The following CACNA1C variants were observed in gnomAD, a reference collection of about 807,000 sequenced individuals.
CACNA1C encodes calcium voltage-gated channel subunit alpha1 C.
CACNA1C carries 30 observed loss-of-function variants against 229.0 expected under a neutral mutation model. The observed-to-expected ratio is 0.13, with a 90% CI of 0.10 to 0.18. The LOEUF (loss-of-function observed/expected upper bound fraction) is 0.18. Ranked by LOEUF, CACNA1C falls within the 10% of genes least tolerant of loss-of-function variation. The pLI, the probability that CACNA1C is intolerant of heterozygous loss-of-function variation, is 1.00. For synonymous variants in CACNA1C, 1,114 were observed against 1,132.5 expected (o/e 0.98, Z 0.33); for missense variants, 1,658 against 2,845.0 (o/e 0.58, Z 9.49).
chr12:2,446,859 G>T, intron 3 of CACNA1C, among the ~76,000 whole-genome samples: 1 of 151,072 alleles, frequency 6.6e-6, no homozygotes, highest in East Asian at 2.0e-4. Flanking sequence ...TGGATGAATT[G>T]GTGGGTGGGT....
At position 2,651,907 on chromosome 12, in the gene CACNA1C, G is replaced by C. The variant is rs1228647900; in HGVS notation, c.4074+139G>C. On this transcript the variant is annotated intron_variant, in intron 32 of 46. Transcript: ENST00000399655. The surrounding 1 kb of genome is among the most constrained non-coding windows in gnomAD (Gnocchi z 5.4). ...GTGGCAGAACTCGGCCGCTCTGCCT[G>C]GCTCCCTGTTTCCGCACCGAGAGGC... is the stretch of plus-strand genomic sequence containing the variant. The C allele has an allele frequency of 4.4e-6, 3 of 686,116 alleles. No homozygotes were observed. The highest frequency in any genetic ancestry group is 7.1e-6 in the Non-Finnish European group (3 of 423,486). 42.5% of individuals were successfully genotyped at this position (686,116 alleles called of 1,614,324 possible). A position where few individuals can be genotyped will look rare whatever the true frequency, so the allele number is the denominator to read the frequency against.
At chr12:2,629,534 C>T (rs2089306186) in intron 29 of CACNA1C, among the ~76,000 whole-genome samples, 1 of 152,214 alleles carries the variant, frequency 6.6e-6, no homozygotes, top group South Asian at 2.1e-4. Context: ...CTTTCACCCT[C>T]ACCTCAACTC....
At chr12:2,058,545 T>C (rs893505045) in intron 1 of CACNA1C, among the ~76,000 whole-genome samples, 19 of 152,064 alleles carry the variant, frequency 1.2e-4, no homozygotes, top group Admixed American at 2.0e-4. Flanking sequence ...AAAAAAGGCA[T>C]GGGGAATTGT....
At chr12:2,623,598 A>G (rs750991191) in intron 29 of CACNA1C, among the ~76,000 whole-genome samples, 19 of 151,924 alleles carry the variant, frequency 1.3e-4, no homozygotes, top group Non-Finnish European at 2.6e-4. Context: ...CTTGATGGAA[A>G]TGTCTCATCC....
chr12:2,036,472 C>G (rs2049158517), intron 1 of CACNA1C, among the ~76,000 whole-genome samples: 1 of 152,148 alleles, frequency 6.6e-6, no homozygotes, highest in Admixed American at 6.5e-5. Flanking sequence ...CCTCCCTCCC[C>G]TTTCCTATCT....
In CACNA1C at chr12:2,691,088, C is replaced by A. The variant is rs756277154; in HGVS notation, c.6306C>A (p.Asp2102Glu). 4.3e-6 allele frequency: 7 copies of A among 1,612,424 alleles called. No homozygotes were observed. The highest frequency in any genetic ancestry group is 1.1e-5 in the South Asian group (1 of 90,724). ...GALLPFVNCRDAGQDRAGGEE... is the reference protein window; with the variant it reads ...GALLPFVNCREAGQDRAGGEE... ...TCTTACCCTTTGTGAACTGCAGGGA[C>A]GCGGGGCAGGACCGAGCCGGGGGCG... Residue 2102 changes from aspartate to glutamate, a missense_variant, in exon 47 of 47, where the codon GAC becomes GAA. By Grantham distance (45) the Asp-to-Glu change is conservative (BLOSUM62 2). Around this residue, in one of 20 missense-constraint regions of CACNA1C, gnomAD observed 590 missense variants for 700.8 expected, o/e 0.84. Coordinates refer to ENST00000399655, the MANE Select transcript of CACNA1C (RefSeq NM_000719.7).
At chr12:2,011,543 A>C (rs751125565) in intron 1 of CACNA1C, among the ~76,000 whole-genome samples, 2 of 152,260 alleles carry the variant, frequency 1.3e-5, no homozygotes, top group African/African-American at 2.4e-5. Context: ...AGATTGAATT[A>C]GAAGAGTGCT....
At position 2,649,949 on chromosome 12, in the gene CACNA1C, AAGGTCATC is replaced by A. The variant is rs760659770; in HGVS notation, c.3945+1444_3945+1451del. Reference sequence around the variant, plus strand: ...CACAGGTGATAGAAATACAGAGATTAAGGTCATCAAAGGCTTCAGAACACACAGGCAGG... The same window carrying A: ...CACAGGTGATAGAAATACAGAGATTAAAAGGCTTCAGAACACACAGGCAGG... On this transcript the variant is annotated intron_variant, in intron 31 of 46. Coordinates refer to ENST00000399655, the MANE Select transcript of CACNA1C (RefSeq NM_000719.7). The surrounding 1 kb of genome is among the most constrained non-coding windows in gnomAD (Gnocchi z 4.4). Among the ~76,000 whole-genome samples, 5 of 151,588 alleles carry A rather than the reference AAGGTCATC, an allele frequency of 3.3e-5. No individual in the cohort carries two copies. Among genetic ancestry groups the A allele is most frequent in the Non-Finnish European group, 2.9e-5 (2 of 68,020 alleles).
chr12:1,990,143 G>A (rs146131480), intron 1 of CACNA1C, among the ~76,000 whole-genome samples: 10 of 152,244 alleles, frequency 6.6e-5, no homozygotes, highest in Admixed American at 6.5e-5. Context: ...GGACCACAGC[G>A]TATCACTTAA....
At chr12:2,658,234 C>T (rs1218370952) in intron 34 of CACNA1C, among the ~76,000 whole-genome samples, 6 of 152,162 alleles carry the variant, frequency 3.9e-5, no homozygotes, top group Admixed American at 3.9e-4. Context: ...TCTACAACTG[C>T]CCCTACTTTG....
chr12:2,221,558 GT>G (rs1304972883), intron 3 of CACNA1C: 1 of 152,242 alleles, frequency 6.6e-6, no homozygotes, highest in East Asian at 1.9e-4. Flanking sequence ...TGTCAAGAGT[GT>G]TGGGAAGTTG....
intron 3 of CACNA1C, among the ~76,000 whole-genome samples, chr12:2,162,013 G>A (rs1033332298): frequency 6.6e-6 from 1 of 152,130 alleles, no homozygotes; most frequent in East Asian, 1.9e-4. Context: ...CAGATTGTAA[G>A]GTCAACAATG....
chr12:2,260,716 TTC>T (rs1295877611), intron 3 of CACNA1C, among the ~76,000 whole-genome samples: 1 of 152,162 alleles, frequency 6.6e-6, no homozygotes, highest in Non-Finnish European at 1.5e-5. Context: ...TAGGCACTGT[TTC>T]TCTCTGCCTC....
rs144932054 is a variant in CACNA1C, at chr12:2,251,040, G to A, written c.477+130610G>A. On this transcript the variant is annotated intron_variant, in intron 3 of 46. Coordinates refer to ENST00000399655, the MANE Select transcript of CACNA1C (RefSeq NM_000719.7). ...AGTGTGTTCTGCGTTGGCTCAGCCC[G>A]TCTGCAGAACAGTCATGTCACTTTG... 6.5e-4 allele frequency among the ~76,000 whole-genome samples: 99 copies of A among 152,322 alleles called. 2 individuals are homozygous for A. The highest frequency in any genetic ancestry group is 3.4e-3 in the Middle Eastern group (1 of 294).
intron 3 of CACNA1C, among the ~76,000 whole-genome samples, chr12:2,273,506 C>T (rs1323693105): frequency 6.6e-6 from 1 of 152,090 alleles, no homozygotes; most frequent in Non-Finnish European, 1.5e-5. Flanking sequence ...GCTGGGAGCT[C>T]CTCCAGGCTG....
intron 1 of CACNA1C, chr12:2,004,328 G>C: frequency 6.2e-7 from 1 of 1,613,360 alleles, no homozygotes; most frequent in Non-Finnish European, 8.5e-7. Flanking sequence ...CACCTGGCTG[G>C]CCACGTCCAC....
chr12:2,673,570 T>C (rs1426989201), intron 38 of CACNA1C, among the ~76,000 whole-genome samples: 1 of 152,064 alleles, frequency 6.6e-6, no homozygotes, highest in South Asian at 2.1e-4. Context: ...TCCAGGATAT[T>C]GATCAGGCCA....
At chr12:2,558,002 G>T (rs2045398328) in intron 11 of CACNA1C, among the ~76,000 whole-genome samples, 1 of 152,236 alleles carries the variant, frequency 6.6e-6, no homozygotes, top group Admixed American at 6.5e-5. Flanking sequence ...TTTCATAATT[G>T]AGCTAATCTT....
chr12:2,512,341 A>G lies in CACNA1C; in HGVS notation c.1218-471A>G, dbSNP rs1365719956. ...GGGGCGAGTGAGTGGGCTTTGGTAC[A>G]CTGCCGGTCCTAAAACCTTGTGTCA... On this transcript the variant is annotated intron_variant, in intron 8 of 46. Transcript: ENST00000399655. This position sits in a 1 kb window ranked among gnomAD's most constrained non-coding sequence, Gnocchi z 4.3. Among the ~76,000 whole-genome samples the G allele has an allele frequency of 6.6e-6, 1 of 152,124 alleles. No homozygotes were observed. The highest frequency in any genetic ancestry group is 2.4e-5 in the African/African-American group (1 of 41,420).
Sources: gnomAD v4.1 joint callset for allele counts (sites outside exome capture counted in the v4.1 genomes callset) on GRCh38, gnomAD v4.1.1 for gene constraint, gnomAD v4.1.1 regional missense constraint, Gnocchi (gnomAD v3.1) non-coding constraint, MANE v1.5 for transcripts, NCBI Gene and HGNC (gene_info 2026-07-23, HGNC 2026-07-21) for gene names.